SPTB: variants seen among roughly 807,000 people sequenced by gnomAD.
SPTB encodes the protein spectrin beta, erythrocytic.
Under a neutral mutation model 256.2 loss-of-function variants are expected in SPTB, and 45 were observed. That is an observed-to-expected ratio of 0.18 (90% confidence interval 0.14 to 0.23). The LOEUF is 0.23. Among genes scored for constraint, SPTB ranks in the 10% least tolerant of loss-of-function variants. The pLI is 1.00. For missense variants in SPTB, 2,715 were observed against 3,040.4 expected, an observed-to-expected ratio of 0.89 and a Z score of 2.52; for synonymous variants, 1,231 against 1,243.1, an observed-to-expected ratio of 0.99 and a Z score of 0.21.
In SPTB at chr14:64,749,833, A is replaced by G; in HGVS notation, c.6777-137T>C. The G allele has an allele frequency of 1.3e-6, 2 of 1,483,160 alleles. No homozygotes were observed. Among genetic ancestry groups the G allele is most frequent in the East Asian group, 2.4e-5 (1 of 42,410 alleles). 91.9% of individuals were successfully genotyped at this position (1,483,160 alleles called of 1,614,324 possible). A position where few individuals can be genotyped will look rare whatever the true frequency, so the allele number is the denominator to read the frequency against. ...GCAGCCCAGCACTTTCTGAGAGGTCAAAGTCTGGACCATCAGCCTCTTTGA... is the reference window on the plus strand; with the variant it reads ...GCAGCCCAGCACTTTCTGAGAGGTCGAAGTCTGGACCATCAGCCTCTTTGA... On this transcript the variant is annotated intron_variant, in intron 34 of 35. Coordinates refer to ENST00000644917, the MANE Select transcript of SPTB (RefSeq NM_001355436.2). This position sits in a 1 kb window ranked among gnomAD's most constrained non-coding sequence, Gnocchi z 4.7.
chr14:64,822,374 T>TACACACA (rs2083306110), intron 2 of SPTB, among the ~76,000 whole-genome samples: 1 of 1,018 alleles, frequency 9.8e-4, no homozygotes, highest in East Asian at 0.029. Flanking sequence ...TCTCTCTCTC[T>TACACACA]CACACACACA....
intron 26 of SPTB, among the ~76,000 whole-genome samples, chr14:64,771,548 G>A (rs980122045): frequency 1.3e-5 from 2 of 152,216 alleles, no homozygotes; most frequent in African/African-American, 4.8e-5. Context: ...ACTGGTCCAG[G>A]GTCCTTCACA....
At chr14:64,872,249 T>C (rs775294865) in intron 1 of SPTB, among the ~76,000 whole-genome samples, 10 of 152,192 alleles carry the variant, frequency 6.6e-5, no homozygotes, top group Non-Finnish European at 1.3e-4. Flanking sequence ...AATGGAATCA[T>C]CTTATTCTTT....
chr14:64,794,253 A>T (rs748428558), intron 13 of SPTB, among the ~76,000 whole-genome samples: 2 of 152,254 alleles, frequency 1.3e-5, no homozygotes, highest in Non-Finnish European at 2.9e-5. Flanking sequence ...TGAAGGACAG[A>T]GGGTGCCTCC....
chr14:64,766,209 C>CGT (rs1454366173), intron 32 of SPTB, among the ~76,000 whole-genome samples: 2 of 135,134 alleles, frequency 1.5e-5, no homozygotes, highest in Non-Finnish European at 3.1e-5. Flanking sequence ...TGTGGTTGTG[C>CGT]GTGAGGTGTC....
intron 2 of SPTB, among the ~76,000 whole-genome samples, chr14:64,818,569 G>A (rs117578650): frequency 1.3e-5 from 2 of 152,324 alleles, no homozygotes; most frequent in Non-Finnish European, 2.9e-5. Context: ...CTGTACCCAG[G>A]TGCAGGGAAG....
chr14:64,838,378 T>A (rs974916548), intron 1 of SPTB, among the ~76,000 whole-genome samples: 1 of 152,184 alleles, frequency 6.6e-6, no homozygotes, highest in African/African-American at 2.4e-5. Flanking sequence ...ACTAAAAGTA[T>A]AATCCATAAA....
chr14:64,865,416 C>T (rs1882113181), intron 1 of SPTB, among the ~76,000 whole-genome samples: 3 of 152,024 alleles, frequency 2.0e-5, no homozygotes, highest in African/African-American at 4.8e-5. Context: ...AAACAAAGCT[C>T]ACTCCCAGCA....
rs1189324103 is a variant in SPTB at position 64,807,964 on chromosome 14, G to A, written c.149-2874C>T. 6.6e-6 allele frequency among the ~76,000 whole-genome samples: 1 copy of A among 152,240 alleles called. No individual in the cohort carries two copies. On this transcript the variant is annotated intron_variant, in intron 2 of 35. Coordinates refer to ENST00000644917, the MANE Select transcript of SPTB (RefSeq NM_001355436.2). The surrounding 1 kb of genome is among the most constrained non-coding windows in gnomAD (Gnocchi z 4.7). ...AGGAAGGGGGTGAGTCCACCAGCATGGACTGGCTGACAGCCTCTGCTGCCA... is the reference window on the plus strand; with the variant it reads ...AGGAAGGGGGTGAGTCCACCAGCATAGACTGGCTGACAGCCTCTGCTGCCA...
intron 33 of SPTB, among the ~76,000 whole-genome samples, chr14:64,753,103 C>T (rs896181491): frequency 7.2e-5 from 11 of 152,132 alleles, no homozygotes; most frequent in Admixed American, 2.0e-4. Context: ...TGGTAAAAAG[C>T]GGGGCTCGAA....
intron 1 of SPTB, among the ~76,000 whole-genome samples, chr14:64,863,313 A>T (rs1227962557): frequency 1.3e-5 from 2 of 152,198 alleles, no homozygotes; most frequent in African/African-American, 4.8e-5. Context: ...GCGAAAAAAA[A>T]AATTGCAAAA....
In SPTB at chr14:64,767,666, G is replaced by C. The variant is rs2082208946; in HGVS notation, c.6216C>G (p.Thr2072=). The change falls in exon 30 of 36, where the codon ACC becomes ACG. Residue 2072 remains threonine (T), a synonymous_variant. Coordinates refer to ENST00000644917, the MANE Select transcript of SPTB (RefSeq NM_001355436.2). The part of the protein sequence containing the change: ...AERFAALEKP[T]TLELKERQIA... ...CCCAGCACTGTTCCCTGCTCACCGT[G>C]GTGGGCTTCTCCAGGGCAGCAAAGC... 6.2e-7 allele frequency: 1 copy of C among 1,613,932 alleles called. No homozygotes were observed. Among genetic ancestry groups the C allele is most frequent in the South Asian group, 1.1e-5 (1 of 91,084 alleles).
rs1178061335 is a variant in SPTB, at chr14:64,800,867, A to G, written c.765T>C (p.Asp255=). 6.2e-6 allele frequency: 10 copies of G among 1,612,734 alleles called. No homozygotes were observed. Among genetic ancestry groups the G allele is most frequent in the Non-Finnish European group, 7.6e-6 (9 of 1,179,126 alleles). The change falls in exon 8 of 36, where the codon GAT becomes GAC. Residue 255 remains aspartate, a splice_region_variant and synonymous_variant. Coordinates refer to ENST00000644917, the MANE Select transcript of SPTB (RefSeq NM_001355436.2). ...LGIIPLLDPE[D]VFTENPDEKS... is the part of the protein sequence containing the mutation. Reference sequence around the variant, plus strand: ...TCTCATCAGGGTTTTCCGTAAAGACATCTGTTAGGGAAAAGGGTGTACTCT... The same window carrying G: ...TCTCATCAGGGTTTTCCGTAAAGACGTCTGTTAGGGAAAAGGGTGTACTCT...
intron 7 of SPTB, 131 bp from the exon 8 acceptor site, chr14:64,800,999 A>T: frequency 1.3e-6 from 1 of 760,708 alleles, no homozygotes; most frequent in Non-Finnish European, 2.3e-6. Context: ...CAGAGCAAGA[A>T]TGGAAGAGTG....
chr14:64,771,117 G>A lies in SPTB; in HGVS notation c.5566C>T (p.Gln1856Ter). 6.2e-7 allele frequency: 1 copy of A among 1,613,828 alleles called. No homozygotes were observed. The highest frequency in any genetic ancestry group is 8.5e-7 in the Non-Finnish European group (1 of 1,180,026). ...HLLGVQVQQF[Q>*]DVATRLQTAY... is the part of the protein sequence containing the mutation. Reference sequence around the variant, plus strand: ...GTCTGCAGACGGGTGGCCACGTCCTGGAACTGCTGCACCTGTGGTCAGGCA... The same window carrying A: ...GTCTGCAGACGGGTGGCCACGTCCTAGAACTGCTGCACCTGTGGTCAGGCA... Residue 1856 changes from glutamine (Q) to a stop codon, truncating the protein, a stop_gained, in exon 27 of 36, where the codon CAG (glutamine) becomes TAG (stop). Transcript: ENST00000644917. LOFTEE classifies it high-confidence loss of function.
rs530598922 is a variant in SPTB, at chr14:64,811,076, G to A, written c.149-5986C>T. ...TGTCGTGAGCTATGATTGTGCCACCGCACTCCAGCCTGGGTGAAAGATTGA... is the reference window on the plus strand; with the variant it reads ...TGTCGTGAGCTATGATTGTGCCACCACACTCCAGCCTGGGTGAAAGATTGA... On this transcript the variant is annotated intron_variant, in intron 2 of 35. Coordinates refer to ENST00000644917, the MANE Select transcript of SPTB (RefSeq NM_001355436.2). Among the ~76,000 whole-genome samples, 17 of 152,174 alleles carry A rather than the reference G, an allele frequency of 1.1e-4. No individual in the cohort carries two copies. In the East Asian group the frequency reaches 3.1e-3, roughly 28 times the overall value.
chr14:64,830,315 T>C (rs1399739898), intron 1 of SPTB, among the ~76,000 whole-genome samples: 2 of 149,836 alleles, frequency 1.3e-5, no homozygotes, highest in Non-Finnish European at 1.5e-5. Flanking sequence ...CCTACAGACC[T>C]GATCTCAAAC....
intron 4 of SPTB, among the ~76,000 whole-genome samples, chr14:64,803,022 G>A (rs1388771690): frequency 3.3e-5 from 5 of 152,104 alleles, no homozygotes; most frequent in African/African-American, 9.7e-5. Context: ...GAGTGAGATC[G>A]GACATGCGGG....
In SPTB at chr14:64,853,426, C is replaced by T. The variant is rs938913512; in HGVS notation, c.-52+26366G>A. On this transcript the variant is annotated intron_variant, in intron 1 of 35. Transcript: ENST00000644917. The surrounding 1 kb of genome is among the most constrained non-coding windows in gnomAD (Gnocchi z 4.3). ...TTTAGGAGATAACCATATCAGGAAG[C>T]CTCAGGGGAGGAAATTTCCAGAAGC... Among the ~76,000 whole-genome samples the T allele has an allele frequency of 5.3e-5, 8 of 152,150 alleles. No individual in the cohort carries two copies. The highest frequency in any genetic ancestry group is 1.9e-4 in the African/African-American group (8 of 41,418).
Sources: gnomAD v4.1 joint callset for allele counts (sites outside exome capture counted in the v4.1 genomes callset) on GRCh38, gnomAD v4.1.1 for gene constraint, Gnocchi (gnomAD v3.1) non-coding constraint, MANE v1.5 for transcripts, NCBI Gene and HGNC (gene_info 2026-07-23, HGNC 2026-07-21) for gene names.